LINGO2: variants seen among roughly 807,000 people sequenced by gnomAD.
LINGO2 encodes the protein leucine rich repeat and Ig domain containing 2.
LINGO2 carries 14 observed loss-of-function variants against 30.6 expected under a neutral mutation model. The observed-to-expected ratio is 0.46, with a 90% CI of 0.30 to 0.72. The LOEUF (loss-of-function observed/expected upper bound fraction) is 0.72. Ranked by LOEUF, LINGO2 falls within the 30% of genes least tolerant of loss-of-function variation. The pLI, the probability that LINGO2 is intolerant of heterozygous loss-of-function variation, is 0.07. For missense variants in LINGO2, 729 were observed against 751.7 expected (o/e 0.97, Z 0.35); for synonymous variants, 317 against 288.5 (o/e 1.10, Z -1.00).
intron 4 of LINGO2, among the ~76,000 whole-genome samples, chr9:28,236,969 T>G (rs1305482066): frequency 6.6e-6 from 1 of 152,124 alleles, no homozygotes; most frequent in Non-Finnish European, 1.5e-5. Context: ...TATTATGCAT[T>G]GCATGTCTAT....
In LINGO2 at chr9:28,373,823, T is replaced by G. The variant is rs1205155797; in HGVS notation, c.-278-955A>C. On this transcript the variant is annotated intron_variant, in intron 2 of 5. Coordinates refer to ENST00000379992, the Ensembl canonical transcript of LINGO2. ...GCTGAGGCAGGAGAATTGCTTGAAC[T>G]TGGCAGGCAGAGGTTGCAGTGAGCC... 4.0e-5 allele frequency among the ~76,000 whole-genome samples: 6 copies of G among 151,336 alleles called. No homozygotes were observed. In the East Asian group the frequency reaches 1.2e-3, roughly 30 times the overall value.
At chr9:29,027,371 A>T in the LINGO2 span, among the ~76,000 whole-genome samples, 2 of 152,136 alleles carry the variant, frequency 1.3e-5, no homozygotes, top group African/African-American at 4.8e-5. Flanking sequence ...AGAGTCTCGC[A>T]TTGTTGCTCA....
chr9:28,855,845 G>A, the LINGO2 span, among the ~76,000 whole-genome samples: 1 of 152,042 alleles, frequency 6.6e-6, no homozygotes, highest in African/African-American at 2.4e-5. Context: ...TCAGACTTTA[G>A]GGACAAATCT....
At chr9:29,034,249 C>T in the LINGO2 span, among the ~76,000 whole-genome samples, 7 of 152,026 alleles carry the variant, frequency 4.6e-5, no homozygotes, top group African/African-American at 1.4e-4. Flanking sequence ...TTTGTAAACA[C>T]GTATCTAAAA....
the LINGO2 span, among the ~76,000 whole-genome samples, chr9:28,754,799 T>A: frequency 6.6e-6 from 1 of 151,626 alleles, no homozygotes; most frequent in East Asian, 1.9e-4. Flanking sequence ...CCGGGCTAAT[T>A]TTTTTGTATT....
chr9:28,525,864 G>C (rs574608068), intron 1 of LINGO2, among the ~76,000 whole-genome samples: 355 of 152,076 alleles, frequency 2.3e-3, no homozygotes, highest in African/African-American at 8.3e-3. Context: ...GACCATCCTG[G>C]CTAACGCGGT....
the LINGO2 span, among the ~76,000 whole-genome samples, chr9:28,684,075 A>C: frequency 1.3e-5 from 2 of 151,706 alleles, no homozygotes; most frequent in Admixed American, 1.3e-4. Context: ...GTAAAAGTTT[A>C]CATTTTTAAA....
chr9:28,964,677 A>G, the LINGO2 span, among the ~76,000 whole-genome samples: 1 of 152,116 alleles, frequency 6.6e-6, no homozygotes, highest in East Asian at 1.9e-4. Flanking sequence ...GCAATATACT[A>G]TGATAGAGAT....
intron 1 of LINGO2, among the ~76,000 whole-genome samples, chr9:28,554,903 A>C (rs1469211110): frequency 7.8e-6 from 1 of 128,068 alleles, no homozygotes; most frequent in Non-Finnish European, 1.6e-5. Context: ...ACTACTGGGT[A>C]CATAACGAAA....
the LINGO2 span, among the ~76,000 whole-genome samples, chr9:28,946,605 C>G: frequency 6.6e-6 from 1 of 152,042 alleles, no homozygotes; most frequent in African/African-American, 2.4e-5. Flanking sequence ...AGGCTTTTTC[C>G]TATTAAAAAG....
intron 1 of LINGO2, among the ~76,000 whole-genome samples, chr9:28,656,874 T>G (rs1413785411): frequency 6.6e-6 from 1 of 152,076 alleles, no homozygotes; most frequent in African/African-American, 2.4e-5. Flanking sequence ...GATAATTAAA[T>G]AGCTTCACCC....
intron 4 of LINGO2, among the ~76,000 whole-genome samples, chr9:28,255,698 G>A (rs1386364787): frequency 2.0e-5 from 3 of 152,022 alleles, no homozygotes; most frequent in African/African-American, 7.2e-5. Flanking sequence ...AGCTTCACAT[G>A]AAATTCTATG....
At chr9:28,608,463 A>G (rs576652286) in intron 1 of LINGO2, among the ~76,000 whole-genome samples, 59 of 152,110 alleles carry the variant, frequency 3.9e-4, no homozygotes, top group African/African-American at 1.4e-3. Flanking sequence ...TTCATTACAT[A>G]AACCCCCTGG....
chr9:28,826,284 C>A, the LINGO2 span, among the ~76,000 whole-genome samples: 3 of 152,228 alleles, frequency 2.0e-5, no homozygotes, highest in Admixed American at 6.5e-5. Context: ...GTAAGAAATT[C>A]TGTATAACAA....
At chr9:28,298,474 C>T (rs540111194) in intron 3 of LINGO2, among the ~76,000 whole-genome samples, 29 of 142,084 alleles carry the variant, frequency 2.0e-4, no homozygotes, top group African/African-American at 7.1e-4. Flanking sequence ...CCATCCTGCC[C>T]AACATGGTGA....
intron 4 of LINGO2, among the ~76,000 whole-genome samples, chr9:28,163,973 T>C (rs1008656823): frequency 6.6e-6 from 1 of 152,186 alleles, no homozygotes; most frequent in Non-Finnish European, 1.5e-5. Context: ...AAGTCACAGC[T>C]TGTACTTGTT....
intron 2 of LINGO2, among the ~76,000 whole-genome samples, chr9:28,413,167 T>G (rs1381854341): frequency 1.3e-5 from 2 of 152,128 alleles, no homozygotes; most frequent in African/African-American, 4.8e-5. Context: ...CTATTAGTAG[T>G]TAAGTTCTGG....
the LINGO2 span, among the ~76,000 whole-genome samples, chr9:28,806,442 GT>G: frequency 6.6e-6 from 1 of 152,084 alleles, no homozygotes; most frequent in Admixed American, 6.6e-5. Flanking sequence ...GAAAAACCAA[GT>G]TCTCATATCA....
intron 4 of LINGO2, among the ~76,000 whole-genome samples, chr9:28,163,340 C>T (rs1455748562): frequency 6.6e-6 from 1 of 152,048 alleles, no homozygotes. Flanking sequence ...TGAGTATGAA[C>T]AGCATGCCAA....
Sources: allele counts gnomAD v4.1 joint callset (sites outside exome capture counted in the v4.1 genomes callset), GRCh38; gene constraint gnomAD v4.1.1; transcripts MANE v1.5; gene names NCBI Gene and HGNC (gene_info 2026-07-23, HGNC 2026-07-21).